Variants in FAM193A observed in about 807,000 individuals in gnomAD.
FAM193A encodes protein FAM193A.
In FAM193A, 22 loss-of-function variants were observed where a neutral mutation model predicts 126.5. That is an observed-to-expected ratio of 0.17 (90% CI 0.12 to 0.25). The LOEUF is 0.25. FAM193A is among the 10% of genes least tolerant of loss of function. The pLI, the probability that FAM193A is intolerant of heterozygous loss-of-function variation, is 1.00. For synonymous variants in FAM193A, 761 were observed against 646.8 expected (o/e 1.18, Z -2.68); for missense variants, 1,675 against 1,672.8 (o/e 1.00, Z -0.02).
chr4:2,699,445 CCCACA>C lies in FAM193A; in HGVS notation c.3508-233_3508-229del, dbSNP rs996057981. Among the ~76,000 whole-genome samples the C allele has an allele frequency of 3.4e-4, 30 of 87,212 alleles. 2 individuals are homozygous for C. Among genetic ancestry groups the C allele is most frequent in the African/African-American group, 1.3e-3 (30 of 23,976 alleles). 57.2% of individuals were successfully genotyped at this position (87,212 alleles called of 152,430 possible). A position where few individuals can be genotyped will look rare whatever the true frequency, so the allele number is the denominator to read the frequency against. ...TTTTTTGTTAACTACCACCCCCCCC[CCCACA>C]CACACACACACAAATAAGTAAGCAT... On this transcript the variant is annotated intron_variant, in intron 18 of 20. Coordinates refer to ENST00000637812, the MANE Select transcript of FAM193A (RefSeq NM_001366318.2).
rs187811954 is a variant in FAM193A at position 2,676,849 on chromosome 4, G to A, written c.2331+4477G>A. 4.4e-3 allele frequency among the ~76,000 whole-genome samples: 664 copies of A among 152,114 alleles called. 7 individuals are homozygous for A. The highest frequency in any genetic ancestry group is 0.013 in the African/African-American group (549 of 41,494). Reference sequence around the variant, plus strand: ...TCAGCTACTCGGGAGGCTGAGGCAGGAAAATGGCGTGAACCCGGAAGGTGG... The same window carrying A: ...TCAGCTACTCGGGAGGCTGAGGCAGAAAAATGGCGTGAACCCGGAAGGTGG... On this transcript the variant is annotated intron_variant, in intron 13 of 20. Coordinates refer to ENST00000637812, the MANE Select transcript of FAM193A (RefSeq NM_001366318.2).
intron 1 of FAM193A, among the ~76,000 whole-genome samples, chr4:2,590,022 C>G (rs1016951906): frequency 1.3e-5 from 2 of 151,730 alleles, no homozygotes; most frequent in African/African-American, 4.8e-5. Flanking sequence ...GTAATCCCAG[C>G]TACTCAGGAG....
Position 2,552,667 on chromosome 4 carries a change from A to G in FAM193A, c.255+15497A>G, listed in dbSNP as rs560038682. 2.0e-5 allele frequency among the ~76,000 whole-genome samples: 3 copies of G among 151,356 alleles called. No homozygotes were observed. In the East Asian group the frequency reaches 5.9e-4, roughly 30 times the overall value. On this transcript the variant is annotated intron_variant, in intron 1 of 20. Coordinates refer to ENST00000637812, the MANE Select transcript of FAM193A (RefSeq NM_001366318.2). The stretch of plus-strand genomic sequence containing the variant: ...ATTCTCCTGCCTCAGCCTCCTGAGT[A>G]GCTGGGACTACAGGCGCCCACCACC...
intron 4 of FAM193A, among the ~76,000 whole-genome samples, chr4:2,630,450 G>A (rs1025806565): frequency 6.6e-6 from 1 of 152,214 alleles, no homozygotes; most frequent in African/African-American, 2.4e-5. Context: ...CAGATCTGCA[G>A]CCAGGTGGCA....
At chr4:2,586,289 T>C (rs1740235204) in intron 1 of FAM193A, among the ~76,000 whole-genome samples, 1 of 152,150 alleles carries the variant, frequency 6.6e-6, no homozygotes, top group African/African-American at 2.4e-5. Context: ...GTTGATCTTT[T>C]CCTTTATGCT....
chr4:2,686,714 T>C (rs1715781902), intron 13 of FAM193A, among the ~76,000 whole-genome samples: 2 of 152,224 alleles, frequency 1.3e-5, no homozygotes, highest in Middle Eastern at 6.8e-3. Context: ...GCACTTAACG[T>C]AGCTTCAGAG....
rs1440151336 is a variant in FAM193A, at chr4:2,672,130, G to A, written c.2089G>A (p.Ala697Thr). The change falls in exon 13 of 21, where the codon GCT becomes ACT. Residue 697 changes from alanine to threonine, a missense_variant. By Grantham distance (58) the Ala-to-Thr change is moderately conservative. Transcript: ENST00000637812. ...TTTTCTTTCCTCTTAGGCTGAACAA[G>A]CTCCAAACACTTGTGAATGTCATGT... Reference protein sequence around the residue: ...PSYPTQQAEQAPNTCECHVCK... With the variant: ...PSYPTQQAEQTPNTCECHVCK... The A allele has an allele frequency of 2.5e-6, 4 of 1,614,008 alleles. No homozygotes were observed. Among genetic ancestry groups the A allele is most frequent in the Non-Finnish European group, 3.4e-6 (4 of 1,180,000 alleles).
chr4:2,603,847 A>G (rs114896741), intron 2 of FAM193A, among the ~76,000 whole-genome samples: 184 of 150,270 alleles, frequency 1.2e-3, no homozygotes, highest in African/African-American at 4.4e-3. Flanking sequence ...TTGAATTATT[A>G]TTATTATTAT....
At chr4:2,640,735 C>G (rs1367097458) in intron 6 of FAM193A, among the ~76,000 whole-genome samples, 2 of 152,092 alleles carry the variant, frequency 1.3e-5, no homozygotes, top group African/African-American at 4.8e-5. Flanking sequence ...AGGCCTTAAG[C>G]AGGCGGATCA....
intron 8 of FAM193A, among the ~76,000 whole-genome samples, chr4:2,659,169 A>G (rs1441713300): frequency 1.3e-5 from 2 of 151,998 alleles, no homozygotes; most frequent in Non-Finnish European, 2.9e-5. Flanking sequence ...TTGAGGTGCC[A>G]TTTCCTCAAT....
intron 1 of FAM193A, among the ~76,000 whole-genome samples, chr4:2,544,530 A>C (rs1737431793): frequency 6.6e-6 from 1 of 151,974 alleles, no homozygotes; most frequent in Non-Finnish European, 1.5e-5. Context: ...GTAAAACCCC[A>C]TTCTCTACTA....
rs193061482 is a variant in FAM193A at position 2,580,956 on chromosome 4, C to T, written c.256-15128C>T. ...CATCCTGGCTAACACGGTGAAACCC[C>T]GTCTCTACTAAAAATACAAAAAATT... On this transcript the variant is annotated intron_variant, in intron 1 of 20. Transcript: ENST00000637812. 4.2e-3 allele frequency among the ~76,000 whole-genome samples: 635 copies of T among 152,212 alleles called. 5 individuals are homozygous for T. Among genetic ancestry groups the T allele is most frequent in the African/African-American group, 0.014 (592 of 41,554 alleles).
intron 20 of FAM193A, among the ~76,000 whole-genome samples, chr4:2,721,765 G>A (rs1207788965): frequency 6.6e-6 from 1 of 152,172 alleles, no homozygotes; most frequent in Non-Finnish European, 1.5e-5. Context: ...TGTGCCTCCC[G>A]TGCAACCCCA....
intron 2 of FAM193A, among the ~76,000 whole-genome samples, chr4:2,624,311 A>G (rs1012889007): frequency 6.6e-6 from 1 of 151,976 alleles, no homozygotes; most frequent in Non-Finnish European, 1.5e-5. Context: ...TGCCTGGCTA[A>G]TTTTTGTGTA....
At chr4:2,542,213 A>G (rs1472783664) in intron 1 of FAM193A, among the ~76,000 whole-genome samples, 1 of 151,862 alleles carries the variant, frequency 6.6e-6, no homozygotes, top group African/African-American at 2.4e-5. Flanking sequence ...ACGGGGCTTC[A>G]CCATGTTGGT....
At position 2,693,776 on chromosome 4, in the gene FAM193A, C is replaced by T. The variant is rs1490339722; in HGVS notation, c.2994C>T (p.Thr998=). The T allele has an allele frequency of 6.2e-7, 1 of 1,614,232 alleles. No homozygotes were observed. The highest frequency in any genetic ancestry group is 1.7e-5 in the Admixed American group (1 of 60,030). Residue 998 remains threonine (T), a synonymous_variant, in exon 16 of 21, where the codon ACC becomes ACT. Transcript: ENST00000637812. ...LAAPSFPKTA[T]TTPGFVDTRK... ...CCCCATCATTCCCCAAAACAGCAAC[C>T]ACAACTCCTGGGTTTGTGGACACAC...
rs1208644877 is a variant in FAM193A, at chr4:2,659,608, G to A, written c.1440G>A (p.Met480Ile). 3 of 1,614,024 alleles carry A rather than the reference G, an allele frequency of 1.9e-6. No individual in the cohort carries two copies. The African/African-American group carries it at 4.0e-5, about 22-fold the overall frequency. The change falls in exon 9 of 21, where the codon ATG (methionine) becomes ATA (isoleucine). Residue 480 changes from methionine (M) to isoleucine (I), a missense_variant. Physicochemically the swap from Met to Ile is conservative, Grantham distance 10 (BLOSUM62 1). Coordinates refer to ENST00000637812, the MANE Select transcript of FAM193A (RefSeq NM_001366318.2). ...GCGAGAACAACTTCACAGACACCAT[G>A]AGGCACATGTTATCGTCCCGGCTGA... ...VTGENNFTDTMRHMLSSRLSM... is the reference protein window; with the variant it reads ...VTGENNFTDTIRHMLSSRLSM...
At chr4:2,686,712 C>T (rs140909633) in intron 13 of FAM193A, among the ~76,000 whole-genome samples, 14 of 152,270 alleles carry the variant, frequency 9.2e-5, no homozygotes, top group African/African-American at 2.4e-4. Context: ...AGGCACTTAA[C>T]GTAGCTTCAG....
intron 19 of FAM193A, among the ~76,000 whole-genome samples, chr4:2,712,992 C>T (rs978780035): frequency 6.6e-6 from 1 of 151,614 alleles, no homozygotes; most frequent in Admixed American, 6.6e-5. Context: ...GTAGTCCTAG[C>T]TACTTGGGAG....
Sources: allele counts gnomAD v4.1 joint callset (sites outside exome capture counted in the v4.1 genomes callset), GRCh38; gene constraint gnomAD v4.1.1; transcripts MANE v1.5; gene names NCBI Gene and HGNC (gene_info 2026-07-23, HGNC 2026-07-21).